PDE1A: variants seen among roughly 807,000 people sequenced by gnomAD.
PDE1A encodes dual specificity calcium/calmodulin-dependent 3',5'-cyclic nucleotide phosphodiesterase 1A.
In PDE1A, 35 loss-of-function variants were observed where a neutral mutation model predicts 61.7. That is an observed-to-expected ratio of 0.57 (90% CI 0.43 to 0.75). The LOEUF is 0.75. Ranked by LOEUF, PDE1A falls within the 30% of genes least tolerant of loss-of-function variation. The pLI, the probability that PDE1A is intolerant of heterozygous loss-of-function variation, is 0.00. For missense variants in PDE1A, 597 were observed against 630.6 expected (o/e 0.95, Z 0.57); for synonymous variants, 232 against 213.2 (o/e 1.09, Z -0.77).
chr2:182,179,742 T>G (rs999146565), intron 13 of PDE1A, among the ~76,000 whole-genome samples: 1 of 152,166 alleles, frequency 6.6e-6, no homozygotes, highest in Non-Finnish European at 1.5e-5. Context: ...CAGATAATCA[T>G]TTGAATTTCT....
At chr2:182,255,792 G>A (rs1467324348) in intron 2 of PDE1A, among the ~76,000 whole-genome samples, 1 of 151,306 alleles carries the variant, frequency 6.6e-6, no homozygotes, top group East Asian at 1.9e-4. Flanking sequence ...CAAGTAGCTG[G>A]GACTACAGGT....
At chr2:182,387,386 T>C (rs1483943744) in intron 1 of PDE1A, among the ~76,000 whole-genome samples, 1 of 144,922 alleles carries the variant, frequency 6.9e-6, no homozygotes, top group Non-Finnish European at 1.5e-5. Context: ...CAAATCCCCC[T>C]CTGCCAGAAA....
chr2:182,280,500 T>C (rs570937016), intron 1 of PDE1A, among the ~76,000 whole-genome samples: 1 of 152,052 alleles, frequency 6.6e-6, no homozygotes, highest in South Asian at 2.1e-4. Context: ...ATGCTAAAAA[T>C]TTTGTTCTTT....
chr2:182,215,425 C>T (rs1007173830), intron 7 of PDE1A, among the ~76,000 whole-genome samples: 1 of 146,098 alleles, frequency 6.8e-6, no homozygotes, highest in Non-Finnish European at 1.5e-5. Flanking sequence ...CAGAGCAGAA[C>T]TGAAGGAAAT....
intron 10 of PDE1A, among the ~76,000 whole-genome samples, chr2:182,192,135 G>C (rs1685752945): frequency 6.6e-6 from 1 of 152,086 alleles, no homozygotes; most frequent in South Asian, 2.1e-4. Context: ...AGGATTACTG[G>C]CGTGAGCCAC....
intron 3 of PDE1A, among the ~76,000 whole-genome samples, chr2:182,237,641 A>T (rs1489909632): frequency 6.6e-6 from 1 of 152,142 alleles, no homozygotes; most frequent in Non-Finnish European, 1.5e-5. Context: ...ACAATATATG[A>T]TTACAAACAG....
At chr2:182,652,897 CTGAGT>C in the PDE1A span, among the ~76,000 whole-genome samples, 1 of 152,172 alleles carries the variant, frequency 6.6e-6, no homozygotes, top group Non-Finnish European at 1.5e-5. Context: ...TCAGCTGATT[CTGAGT>C]TCTTAGTTGT....
Position 182,227,370 on chromosome 2 carries a change from G to A in PDE1A, c.675+2636C>T, listed in dbSNP as rs185577061. On this transcript the variant is annotated intron_variant, in intron 6 of 13. Coordinates refer to ENST00000351439, the Ensembl canonical transcript of PDE1A. ...AAGTATGTATGTGTATTATATAAAG[G>A]GTGGGGAGAATTTCAAGTCAGAAAA... 3.9e-5 allele frequency among the ~76,000 whole-genome samples: 6 copies of A among 152,004 alleles called. No homozygotes were observed. The East Asian group carries it at 1.2e-3, about 29-fold the overall frequency.
At chr2:182,345,198 A>G (rs1698445927) in intron 1 of PDE1A, among the ~76,000 whole-genome samples, 1 of 152,218 alleles carries the variant, frequency 6.6e-6, no homozygotes, top group Non-Finnish European at 1.5e-5. Flanking sequence ...GATAATTAAT[A>G]GACATCTAAC....
At chr2:182,632,570 T>C in the PDE1A span, among the ~76,000 whole-genome samples, 1 of 152,098 alleles carries the variant, frequency 6.6e-6, no homozygotes, top group East Asian at 1.9e-4. Context: ...TCTTTCTACC[T>C]TAAAAATCAT....
At chr2:182,679,733 C>A in the PDE1A span, among the ~76,000 whole-genome samples, 1 of 152,152 alleles carries the variant, frequency 6.6e-6, no homozygotes, top group African/African-American at 2.4e-5. Flanking sequence ...GACTCAGTAT[C>A]ACAAAGATGT....
At chr2:182,212,782 G>C (rs184208811) in intron 7 of PDE1A, among the ~76,000 whole-genome samples, 2 of 152,288 alleles carry the variant, frequency 1.3e-5, no homozygotes, top group South Asian at 4.1e-4. Context: ...ACAGAGTCTC[G>C]CTGATTGCTA....
At chr2:182,714,181 A>T in the PDE1A span, among the ~76,000 whole-genome samples, 2 of 152,222 alleles carry the variant, frequency 1.3e-5, no homozygotes, top group Non-Finnish European at 2.9e-5. Context: ...GAACAGCTGG[A>T]GCCATAACAG....
the PDE1A span, among the ~76,000 whole-genome samples, chr2:182,564,400 T>C: frequency 6.6e-6 from 1 of 152,232 alleles, no homozygotes; most frequent in Non-Finnish European, 1.5e-5. Flanking sequence ...TCTTCTGGCT[T>C]GTAGAGTTTC....
chr2:182,484,034 G>GATCTAA (rs1336659818), intron 2 of PDE1A, among the ~76,000 whole-genome samples: 2 of 151,816 alleles, frequency 1.3e-5, no homozygotes, highest in African/African-American at 4.8e-5. Context: ...TTCATTAAAA[G>GATCTAA]ATCTAAATCA....
chr2:182,313,997 G>A (rs1696169495), intron 1 of PDE1A, among the ~76,000 whole-genome samples: 1 of 152,126 alleles, frequency 6.6e-6, no homozygotes, highest in African/African-American at 2.4e-5. Flanking sequence ...CGGTAAATAT[G>A]CATTTCTTAT....
intron 7 of PDE1A, 88 bp downstream of exon 7, chr2:182,223,776 A>G (rs1688920859): frequency 1.4e-6 from 1 of 724,738 alleles, no homozygotes; most frequent in East Asian, 3.1e-5. Context: ...TAGAATCTTT[A>G]TTATTTTTTA....
At chr2:182,226,040 T>C (rs945647322) in intron 6 of PDE1A, among the ~76,000 whole-genome samples, 11 of 149,686 alleles carry the variant, frequency 7.3e-5, no homozygotes, top group Admixed American at 7.3e-4. Flanking sequence ...TGAATAGCAA[T>C]TGAAGTTAAA....
chr2:182,199,143 C>T lies in PDE1A; in HGVS notation c.1125+2296G>A, dbSNP rs183614400. On this transcript the variant is annotated intron_variant, in intron 10 of 13. Coordinates refer to ENST00000351439, the Ensembl canonical transcript of PDE1A. ...TTCAATTTTATTGGCATAAATTGTG[C>T]ATAATATTCCTCACCCTTTTGATGA... Among the ~76,000 whole-genome samples, 404 of 151,976 alleles carry T rather than the reference C, an allele frequency of 2.7e-3. 1 individual carries two copies. The highest frequency in any genetic ancestry group is 9.5e-3 in the African/African-American group (395 of 41,526).
Sources: gnomAD v4.1 joint callset for allele counts (sites outside exome capture counted in the v4.1 genomes callset) on GRCh38, gnomAD v4.1.1 for gene constraint, MANE v1.5 for transcripts, NCBI Gene and HGNC (gene_info 2026-07-23, HGNC 2026-07-21) for gene names.